The following PHF2 variants were observed in gnomAD, a reference collection of about 807,000 sequenced individuals.
The protein encoded by PHF2 is PHD finger protein 2.
In PHF2, 27 loss-of-function variants were observed where a neutral mutation model predicts 120.5. That is an observed-to-expected ratio of 0.22 (90% CI 0.17 to 0.31). The LOEUF (loss-of-function observed/expected upper bound fraction) is 0.31, where lower values mean the gene tolerates loss of function less well. PHF2 is among the 10% of genes least tolerant of loss of function. The pLI is 1.00. For missense variants in PHF2, 1,024 were observed against 1,434.8 expected, an observed-to-expected ratio of 0.71 and a Z score of 4.63; for synonymous variants, 568 against 592.5, an observed-to-expected ratio of 0.96 and a Z score of 0.60.
rs1203392973 is a variant in PHF2, at chr9:93,601,253, A to G, written c.98+24382A>G. On this transcript the variant is annotated intron_variant, in intron 1 of 21. Coordinates refer to ENST00000359246, the MANE Select transcript of PHF2 (RefSeq NM_005392.4). ...CCCAGGTTTGGCTGTCTGCACATAT[A>G]CAGCCAGGGACTCCAGCCCATGGTG... Among the ~76,000 whole-genome samples the G allele has an allele frequency of 8.5e-5, 13 of 152,284 alleles. No individual in the cohort carries two copies. The East Asian group carries it at 2.5e-3, about 29-fold the overall frequency.
chr9:93,607,940 TGAGAGA>T (rs138717280), intron 1 of PHF2, among the ~76,000 whole-genome samples: 8 of 128,310 alleles, frequency 6.2e-5, no homozygotes, highest in African/African-American at 1.2e-4. Flanking sequence ...GGGAAAGAGA[TGAGAGA>T]GAGAGAGAGA....
intron 2 of PHF2, among the ~76,000 whole-genome samples, chr9:93,635,261 C>G (rs1826071504): frequency 1.3e-5 from 2 of 152,144 alleles, no homozygotes; most frequent in South Asian, 4.2e-4. Flanking sequence ...AGATCCTGCT[C>G]AGAGACAGGC....
chr9:93,580,064 T>A lies in PHF2; in HGVS notation c.98+3193T>A, dbSNP rs554431086. On this transcript the variant is annotated intron_variant, in intron 1 of 21. Transcript: ENST00000359246. ...CTGGAGGGGAAGTGTGGAGTAGAGG[T>A]CGGGGAAACAGGCCCTCCTTTGAAG... Among the ~76,000 whole-genome samples the A allele has an allele frequency of 2.0e-5, 3 of 152,094 alleles. No individual in the cohort carries two copies. The East Asian group carries it at 5.8e-4, about 29-fold the overall frequency.
At chr9:93,612,355 C>G (rs1825651294) in intron 1 of PHF2, among the ~76,000 whole-genome samples, 1 of 152,150 alleles carries the variant, frequency 6.6e-6, no homozygotes, top group African/African-American at 2.4e-5. Context: ...TGGGAGAATG[C>G]TTGTTGGTCT....
intron 4 of PHF2, among the ~76,000 whole-genome samples, chr9:93,647,553 A>G (rs921247071): frequency 6.6e-6 from 1 of 152,182 alleles, no homozygotes; most frequent in Admixed American, 6.5e-5. Flanking sequence ...GCTTTCAGCC[A>G]GTTTTCCGTT....
At chr9:93,594,506 G>C (rs141704946) in intron 1 of PHF2, among the ~76,000 whole-genome samples, 1 of 152,160 alleles carries the variant, frequency 6.6e-6, no homozygotes, top group African/African-American at 2.4e-5. Context: ...AGCTGTCATC[G>C]GGTGTACTTC....
At chr9:93,603,254 A>G (rs1464010011) in intron 1 of PHF2, among the ~76,000 whole-genome samples, 1 of 152,144 alleles carries the variant, frequency 6.6e-6, no homozygotes. Context: ...AAAAGACCCC[A>G]GGGTCAGAGG....
chr9:93,649,265 G>GTGCCGTCCT, intron 5 of PHF2, 53 bp downstream of exon 5: 1 of 1,487,894 alleles, frequency 6.7e-7, no homozygotes. Context: ...CAGGGGCGCT[G>GTGCCGTCCT]TGCCGTCCTT....
At position 93,649,184 on chromosome 9, in the gene PHF2, G is replaced by A. The variant is rs202018179; in HGVS notation, c.574G>A (p.Val192Ile). The A allele has an allele frequency of 4.9e-5, 76 of 1,547,760 alleles. No individual in the cohort carries two copies. The highest frequency in any genetic ancestry group is 1.2e-4 in the East Asian group (5 of 40,616). Residue 192 changes from valine to isoleucine, a missense_variant, in exon 5 of 22, where the codon GTC becomes ATC. Transcript: ENST00000359246. ...YSTNRKRVLN[V>I]TNLEFSDTRM... ...CACCAACCGCAAGCGGGTCCTCAAC[G>A]TCACCAACCTCGAGTTCTCTGACAC...
intron 1 of PHF2, among the ~76,000 whole-genome samples, chr9:93,584,751 G>A (rs1322968653): frequency 6.6e-6 from 1 of 152,172 alleles, no homozygotes; most frequent in African/African-American, 2.4e-5. Flanking sequence ...TGAATTTGAG[G>A]ATTGGCTTTT....
At chr9:93,645,812 T>G (rs757546975) in intron 4 of PHF2, 23 bp downstream of exon 4, 6 of 1,549,796 alleles carry the variant, frequency 3.9e-6, no homozygotes, top group African/African-American at 1.4e-5. Context: ...CCCTTCACAG[T>G]GCTCTGGGGC....
At chr9:93,664,941 T>C (rs1427206786) in intron 14 of PHF2, among the ~76,000 whole-genome samples, 1 of 152,252 alleles carries the variant, frequency 6.6e-6, no homozygotes, top group East Asian at 1.9e-4. Context: ...TGCACTTCCA[T>C]TTGCTCAGAA....
rs1043407193 is a variant in PHF2 at position 93,648,953 on chromosome 9, G to C, written c.461-118G>C. 2.0e-5 allele frequency: 23 copies of C among 1,164,418 alleles called. No individual in the cohort carries two copies. In the African/African-American group the frequency reaches 3.2e-4, roughly 16 times the overall value. The allele number at this position is 1,164,418 out of a possible 1,614,324, so 72.1% of individuals were successfully genotyped here. On this transcript the variant is annotated intron_variant, in intron 4 of 21. Transcript: ENST00000359246. ...CCTAGAGCCTCCGCATCCAGCCCCT[G>C]GCAGCTCCTGCTGTGTGTGAGGGCA...
chr9:93,661,880 A>ATGGATGGATGGAATGGATGGG, intron 12 of PHF2, among the ~76,000 whole-genome samples: 1 of 151,460 alleles, frequency 6.6e-6, no homozygotes, highest in African/African-American at 2.4e-5. Flanking sequence ...GAGCAAATGG[A>ATGGATGGATGGAATGGATGGG]TGGATGGATG....
At chr9:93,620,709 T>C (rs2090195404) in intron 1 of PHF2, among the ~76,000 whole-genome samples, 1 of 152,270 alleles carries the variant, frequency 6.6e-6, no homozygotes, top group African/African-American at 2.4e-5. Context: ...GTTTTGGTGT[T>C]ACCTAGTCTC....
At position 93,660,435 on chromosome 9, in the gene PHF2, G is replaced by A. The variant is rs749288671; in HGVS notation, c.1573G>A (p.Asp525Asn). 7.5e-7 allele frequency: 1 copy of A among 1,325,108 alleles called. No individual in the cohort carries two copies. The highest frequency in any genetic ancestry group is 4.0e-5 in the East Asian group (1 of 25,016). The allele number at this position is 1,325,108 out of a possible 1,614,324, so 82.1% of individuals were successfully genotyped here. Residue 525 changes from aspartate (D) to asparagine (N), a missense_variant, in exon 12 of 22, where the codon GAT becomes AAT. This residue lies in a region of PHF2 where 677 missense variants were observed against 857.4 expected (regional missense o/e 0.79). Transcript: ENST00000359246. ...PRPPKTLKLK[D>N]GGKKKGKKSR... Reference sequence around the variant, plus strand: ...GCCCCCCAAAACGCTGAAGCTCAAAGATGGAGGCAAGAAGAAAGGGAAGAA... The same window carrying A: ...GCCCCCCAAAACGCTGAAGCTCAAAAATGGAGGCAAGAAGAAAGGGAAGAA...
chr9:93,576,704 GC>G lies in PHF2; in HGVS notation c.-65del. ...GCCCCCGCCGCCCCCGCGCGGCCCG[GC>G]CCCCGGCCCGGCCCGGACCGACCCG... On this transcript the variant is annotated 5_prime_UTR_variant, in exon 1 of 22. Transcript: ENST00000359246. 2 of 589,004 alleles carry G rather than the reference GC, an allele frequency of 3.4e-6. No homozygotes were observed. The highest frequency in any genetic ancestry group is 4.2e-6 in the Non-Finnish European group (2 of 472,688). The allele number at this position is 589,004 out of a possible 1,614,324, so 36.5% of individuals were successfully genotyped here.
rs566523152 is a variant in PHF2, at chr9:93,582,949, G to T, written c.98+6078G>T. On this transcript the variant is annotated intron_variant, in intron 1 of 21. Transcript: ENST00000359246. ...AAAATTAACCATTTGAAAGTGTGAAGTTGAGTGGCATTTAGTGTCTTCATA... is the reference window on the plus strand; with the variant it reads ...AAAATTAACCATTTGAAAGTGTGAATTTGAGTGGCATTTAGTGTCTTCATA... Among the ~76,000 whole-genome samples, 5 of 152,312 alleles carry T rather than the reference G, an allele frequency of 3.3e-5. No homozygotes were observed. In the South Asian group the frequency reaches 8.3e-4, roughly 25 times the overall value.
At chr9:93,663,684 C>A in intron 14 of PHF2, 49 bp downstream of exon 14, 1 of 1,012,316 alleles carries the variant, frequency 9.9e-7, no homozygotes. Context: ...TAACCGACAT[C>A]ACACACACCA....
Sources: gnomAD v4.1 joint callset for allele counts (sites outside exome capture counted in the v4.1 genomes callset) on GRCh38, gnomAD v4.1.1 for gene constraint, gnomAD v4.1.1 regional missense constraint, MANE v1.5 for transcripts, NCBI Gene and HGNC (gene_info 2026-07-23, HGNC 2026-07-21) for gene names.